Variants in CAPZA2 observed in about 807,000 individuals in gnomAD.
CAPZA2 encodes the protein F-actin-capping protein subunit alpha-2.
Under a neutral mutation model 44.0 loss-of-function variants are expected in CAPZA2, and 13 were observed. That is an observed-to-expected ratio of 0.30 (90% confidence interval 0.19 to 0.47). The LOEUF is 0.47. CAPZA2 is among the 20% of genes least tolerant of loss of function. The pLI, the probability that CAPZA2 is intolerant of heterozygous loss-of-function variation, is 1.00. For synonymous variants in CAPZA2, 94 were observed against 108.2 expected (o/e 0.87, Z 0.81); for missense variants, 244 against 338.6 (o/e 0.72, Z 2.19).
chr7:116,888,859 A>T (rs1796797663), intron 2 of CAPZA2, among the ~76,000 whole-genome samples: 1 of 152,030 alleles, frequency 6.6e-6, no homozygotes, highest in East Asian at 1.9e-4. Flanking sequence ...AACAAAAAAA[A>T]GTTTCATCAT....
intron 1 of CAPZA2, among the ~76,000 whole-genome samples, chr7:116,868,751 A>C (rs949897780): frequency 2.6e-5 from 4 of 152,208 alleles, no homozygotes; most frequent in African/African-American, 9.6e-5. Flanking sequence ...TTAAAAAAAA[A>C]TTCTTATTAT....
intron 1 of CAPZA2, among the ~76,000 whole-genome samples, chr7:116,863,332 C>G (rs1216289348): frequency 6.6e-6 from 1 of 152,128 alleles, no homozygotes; most frequent in Non-Finnish European, 1.5e-5. Flanking sequence ...CACAAAAAGA[C>G]GACCCCCTCC....
chr7:116,862,993 GC>G (rs1195225662), intron 1 of CAPZA2, among the ~76,000 whole-genome samples: 2 of 152,098 alleles, frequency 1.3e-5, no homozygotes, highest in Non-Finnish European at 2.9e-5. Flanking sequence ...CGGGGCCTCC[GC>G]CGGGGCCGGG....
At chr7:116,892,378 G>A (rs963918173) in intron 2 of CAPZA2, among the ~76,000 whole-genome samples, 8 of 152,144 alleles carry the variant, frequency 5.3e-5, no homozygotes, top group African/African-American at 1.7e-4. Context: ...AGAGCCGTAC[G>A]TGACTTTTTT....
At chr7:116,914,194 A>AT (rs1405694233) in intron 8 of CAPZA2, among the ~76,000 whole-genome samples, 4 of 149,958 alleles carry the variant, frequency 2.7e-5, no homozygotes, top group South Asian at 2.1e-4. Context: ...CACCCGGCTA[A>AT]TTTTTTTTGT....
intron 1 of CAPZA2, chr7:116,876,501 GA>G (rs1796624836): frequency 6.6e-6 from 1 of 152,068 alleles, no homozygotes; most frequent in South Asian, 2.1e-4. Context: ...AAAATAATAT[GA>G]TCTGTGGAGA....
chr7:116,914,712 C>A (rs1246220691), intron 8 of CAPZA2, among the ~76,000 whole-genome samples: 2 of 152,236 alleles, frequency 1.3e-5, no homozygotes, highest in African/African-American at 4.8e-5. Flanking sequence ...CTGCCTTGGC[C>A]TCCCAGAGTG....
intron 1 of CAPZA2, among the ~76,000 whole-genome samples, chr7:116,868,802 A>G (rs1308639590): frequency 1.3e-5 from 2 of 152,236 alleles, no homozygotes; most frequent in Non-Finnish European, 2.9e-5. Flanking sequence ...AATGTGGACA[A>G]TATTCATTCC....
At chr7:116,875,861 T>A (rs1796613003) in intron 1 of CAPZA2, 1 of 152,252 alleles carries the variant, frequency 6.6e-6, no homozygotes, top group African/African-American at 2.4e-5. Flanking sequence ...CATTTTAAAA[T>A]GTTTATGTTA....
intron 5 of CAPZA2, among the ~76,000 whole-genome samples, chr7:116,905,138 C>CAAAAA (rs1164804320): frequency 1.3e-5 from 1 of 79,282 alleles, no homozygotes; most frequent in South Asian, 3.7e-4. Context: ...GACTCTGTCT[C>CAAAAA]AAAAAAAAAA....
intron 1 of CAPZA2, chr7:116,875,882 C>CA (rs1796613305): frequency 6.6e-6 from 1 of 152,046 alleles, no homozygotes; most frequent in Non-Finnish European, 1.5e-5. Context: ...TCCCGTAACT[C>CA]AAAGTTCTGA....
At chr7:116,916,014 G>GTTTTTTTTT (rs1177956720) in intron 8 of CAPZA2, 46 bp from the exon 9 acceptor site, 52 of 1,221,746 alleles carry the variant, frequency 4.3e-5, no homozygotes, top group Non-Finnish European at 5.3e-5. Context: ...AATAATAGTG[G>GTTTTTTTTT]TTTAGTTTTA....
chr7:116,864,081 A>C (rs576698575), intron 1 of CAPZA2, among the ~76,000 whole-genome samples: 1 of 152,300 alleles, frequency 6.6e-6, no homozygotes, highest in East Asian at 1.9e-4. Flanking sequence ...TACAGTATTC[A>C]ATGTATAATC....
chr7:116,874,886 C>A (rs12706109), intron 1 of CAPZA2: 2 of 152,238 alleles, frequency 1.3e-5, no homozygotes, highest in African/African-American at 4.8e-5. Context: ...GTCAGCAGTT[C>A]GAGATCATTC....
rs966978608 is a variant in CAPZA2, at chr7:116,896,459, C to T, written c.156-2313C>T. 7.9e-5 allele frequency among the ~76,000 whole-genome samples: 12 copies of T among 151,896 alleles called. No homozygotes were observed. In the South Asian group the frequency reaches 1.2e-3, roughly 16 times the overall value. On this transcript the variant is annotated intron_variant, in intron 3 of 9. Coordinates refer to ENST00000361183, the MANE Select transcript of CAPZA2 (RefSeq NM_006136.3). ...ATGTTTAATATTAGACCAAGTGAAA[C>T]GAAATACAATAGAGGCATGTGAAAG...
At chr7:116,874,562 A>G (rs1470986799) in intron 1 of CAPZA2, 1 of 152,288 alleles carries the variant, frequency 6.6e-6, no homozygotes, top group Non-Finnish European at 1.5e-5. Flanking sequence ...AGTGCAATGT[A>G]TAGCAAGCAA....
At chr7:116,866,231 G>A (rs1796481015) in intron 1 of CAPZA2, among the ~76,000 whole-genome samples, 1 of 151,134 alleles carries the variant, frequency 6.6e-6, no homozygotes, top group Non-Finnish European at 1.5e-5. Flanking sequence ...TTTCACCCAG[G>A]CGGTATCTCG....
intron 9 of CAPZA2, 26 bp downstream of exon 9, chr7:116,916,148 G>A: frequency 2.7e-6 from 4 of 1,494,726 alleles, no homozygotes; most frequent in Non-Finnish European, 3.6e-6. Flanking sequence ...TATTATATAA[G>A]CTACACTCAC....
chr7:116,910,286 A>G lies in CAPZA2; in HGVS notation c.560A>G (p.Gln187Arg). ...WKFTITPSTT[Q>R]VVGILKIQVH... ...TTTACAATCACTCCTTCAACCACTC[A>G]AGTGGTTGGCATCTTGAAAATTCAG... The change falls in exon 7 of 10, where the codon CAA becomes CGA. Residue 187 changes from glutamine to arginine, a missense_variant. Coordinates refer to ENST00000361183, the MANE Select transcript of CAPZA2 (RefSeq NM_006136.3). The G allele has an allele frequency of 2.5e-6, 4 of 1,582,158 alleles. No homozygotes were observed. Among genetic ancestry groups the G allele is most frequent in the Non-Finnish European group, 3.5e-6 (4 of 1,151,108 alleles).
Sources: allele counts gnomAD v4.1 joint callset (sites outside exome capture counted in the v4.1 genomes callset), GRCh38; gene constraint gnomAD v4.1.1; transcripts MANE v1.5; gene names NCBI Gene and HGNC (gene_info 2026-07-23, HGNC 2026-07-21).